The following KCNQ1 variants were observed in gnomAD, a reference collection of about 807,000 sequenced individuals.
The protein encoded by KCNQ1 is potassium voltage-gated channel subfamily KQT member 1.
KCNQ1 carries 49 observed loss-of-function variants against 72.4 expected under a neutral mutation model. The ratio of observed to expected loss-of-function variants is 0.68; its 90% CI spans 0.54 to 0.86. KCNQ1 has a LOEUF of 0.86. Among genes scored for constraint, KCNQ1 ranks in the 40% least tolerant of loss-of-function variants. The probability of loss-of-function intolerance (pLI) is 0.00; values close to 1 mark genes in which losing one functional copy is unlikely to be tolerated. For synonymous variants in KCNQ1, 450 were observed against 412.6 expected (o/e 1.09, Z -1.10); for missense variants, 790 against 945.1 (o/e 0.84, Z 2.15).
At chr11:2,648,069 T>A (rs1242715392) in intron 10 of KCNQ1, 8 of 376,596 alleles carry the variant, frequency 2.1e-5, no homozygotes, top group South Asian at 1.5e-4. Flanking sequence ...AAAAAAAAAA[T>A]TAGCGAGGTG....
At chr11:2,802,526 A>T (rs140210603) in intron 15 of KCNQ1, among the ~76,000 whole-genome samples, 64 of 152,196 alleles carry the variant, frequency 4.2e-4, no homozygotes, top group African/African-American at 1.5e-3. Context: ...CCCTCTCATA[A>T]AGTTCTGCTC....
rs759580706 is a variant in KCNQ1, at chr11:2,571,288, C to T, written c.605-37C>T. On this transcript the variant is annotated intron_variant, in intron 3 of 15. Transcript: ENST00000155840. ...CTCTTCCCTGGGGCCCTGGCTGTGG[C>T]GATCACGAAAAGCTCCCCCTCTCCT... 1.0e-5 allele frequency: 16 copies of T among 1,550,018 alleles called. No homozygotes were observed. The South Asian group carries it at 1.2e-4, about 12-fold the overall frequency.
At position 2,612,033 on chromosome 11, in the gene KCNQ1, T is replaced by C; in HGVS notation, c.1393+23179T>C. 1 of 398,662 alleles carries C rather than the reference T, an allele frequency of 2.5e-6. No individual in the cohort carries two copies. The highest frequency in any genetic ancestry group is 3.6e-5 in the East Asian group (1 of 28,078). The allele number at this position is 398,662 out of a possible 1,614,324, so 24.7% of individuals were successfully genotyped here. A position where few individuals can be genotyped will look rare whatever the true frequency, so the allele number is the denominator to read the frequency against. Reference sequence around the variant, plus strand: ...ACTCCTTAATTCCACATATGTTTTCTACTCTTAATTACATATATGTTACAA... The same window carrying C: ...ACTCCTTAATTCCACATATGTTTTCCACTCTTAATTACATATATGTTACAA... On this transcript the variant is annotated intron_variant, in intron 10 of 15. Coordinates refer to ENST00000155840, the MANE Select transcript of KCNQ1 (RefSeq NM_000218.3). The surrounding 1 kb of genome is among the most constrained non-coding windows in gnomAD (Gnocchi z 5.5).
chr11:2,550,564 AG>A lies in KCNQ1; in HGVS notation c.478-20061del, dbSNP rs1054523941. Among the ~76,000 whole-genome samples the A allele has an allele frequency of 7.2e-5, 11 of 152,208 alleles. No individual in the cohort carries two copies. The highest frequency in any genetic ancestry group is 1.0e-4 in the Non-Finnish European group (7 of 68,024). On this transcript the variant is annotated intron_variant, in intron 2 of 15. Transcript: ENST00000155840. This position sits in a 1 kb window ranked among gnomAD's most constrained non-coding sequence, Gnocchi z 6.0. The stretch of plus-strand genomic sequence containing the variant: ...CCTCGCCTAGGCCAGAGTGCCAGGC[AG>A]GGTAGGGGAACAAATGCCAACACGT...
rs1848812653 is a variant in KCNQ1 at position 2,601,825 on chromosome 11, G to C, written c.1393+12971G>C. Among the ~76,000 whole-genome samples, 2 of 152,168 alleles carry C rather than the reference G, an allele frequency of 1.3e-5. No individual in the cohort carries two copies. Among genetic ancestry groups the C allele is most frequent in the African/African-American group, 2.4e-5 (1 of 41,426 alleles). ...TTTATTTAACCATTCCCTCATCCAAGGACATGTGGGTCATTCCCAGTTTGG... is the reference window on the plus strand; with the variant it reads ...TTTATTTAACCATTCCCTCATCCAACGACATGTGGGTCATTCCCAGTTTGG... On this transcript the variant is annotated intron_variant, in intron 10 of 15. Coordinates refer to ENST00000155840, the MANE Select transcript of KCNQ1 (RefSeq NM_000218.3). This position sits in a 1 kb window ranked among gnomAD's most constrained non-coding sequence, Gnocchi z 5.2.
intron 2 of KCNQ1, among the ~76,000 whole-genome samples, chr11:2,560,875 G>A (rs1436294581): frequency 1.3e-5 from 2 of 152,080 alleles, no homozygotes; most frequent in Non-Finnish European, 2.9e-5. Flanking sequence ...CAGTGGATGG[G>A]GGAGGGCTTC....
At chr11:2,656,187 T>G (rs774153701) in intron 10 of KCNQ1, 23 of 398,430 alleles carry the variant, frequency 5.8e-5, no homozygotes, top group Non-Finnish European at 9.7e-5. Context: ...CTTTCTTCCT[T>G]CCTTTAAAAA....
At chr11:2,546,977 A>G (rs1847909895) in intron 2 of KCNQ1, among the ~76,000 whole-genome samples, 1 of 152,150 alleles carries the variant, frequency 6.6e-6, no homozygotes, top group Non-Finnish European at 1.5e-5. Flanking sequence ...CTTTCAAACC[A>G]TTTGTGTCTT....
intron 15 of KCNQ1, chr11:2,840,363 A>ATGAT (rs1292778256): frequency 1.3e-5 from 2 of 152,332 alleles, no homozygotes; most frequent in African/African-American, 4.8e-5. Flanking sequence ...TTCAGGGTCG[A>ATGAT]TGATACACAA....
intron 11 of KCNQ1, among the ~76,000 whole-genome samples, chr11:2,758,795 C>T (rs890671141): frequency 2.0e-5 from 3 of 152,144 alleles, no homozygotes; most frequent in Admixed American, 6.5e-5. Flanking sequence ...AAGCCTCCCC[C>T]GAAAGGTCGC....
In KCNQ1 at chr11:2,446,835, C is replaced by T. The variant is rs1017324436; in HGVS notation, c.386+1351C>T. ...GTCTGTGAGAGGAGCTGGCTCTGCT[C>T]GTGGCTGCAACAGCGGGGGCTCGGC... On this transcript the variant is annotated intron_variant, in intron 1 of 15. Transcript: ENST00000155840. The surrounding 1 kb of genome is among the most constrained non-coding windows in gnomAD (Gnocchi z 8.8). 7.9e-5 allele frequency among the ~76,000 whole-genome samples: 12 copies of T among 152,314 alleles called. No individual in the cohort carries two copies. The highest frequency in any genetic ancestry group is 4.1e-4 in the South Asian group (2 of 4,830).
intron 11 of KCNQ1, among the ~76,000 whole-genome samples, chr11:2,742,423 C>T (rs573375299): frequency 1.3e-5 from 2 of 152,374 alleles, no homozygotes; most frequent in East Asian, 3.9e-4. Flanking sequence ...GCCACTGCAC[C>T]CTGATACAGC....
In KCNQ1 at chr11:2,479,783, T is replaced by A. The variant is rs1472948843; in HGVS notation, c.386+34299T>A. Reference sequence around the variant, plus strand: ...TTGACTTTCTCCTCAGAAAATGGGTTTTTATTTTCTATCACATTTTCAGAC... The same window carrying A: ...TTGACTTTCTCCTCAGAAAATGGGTATTTATTTTCTATCACATTTTCAGAC... On this transcript the variant is annotated intron_variant, in intron 1 of 15. Transcript: ENST00000155840. The surrounding 1 kb of genome is among the most constrained non-coding windows in gnomAD (Gnocchi z 4.6). Among the ~76,000 whole-genome samples, 1 of 152,234 alleles carries A rather than the reference T, an allele frequency of 6.6e-6. No individual in the cohort carries two copies. The highest frequency in any genetic ancestry group is 1.5e-5 in the Non-Finnish European group (1 of 68,050).
At position 2,679,962 on chromosome 11, in the gene KCNQ1, C is replaced by T. The variant is rs761748923; in HGVS notation, c.1514+17881C>T. 43 of 397,146 alleles carry T rather than the reference C, an allele frequency of 1.1e-4. No individual in the cohort carries two copies. The highest frequency in any genetic ancestry group is 1.8e-4 in the East Asian group (5 of 28,040). The allele number at this position is 397,146 out of a possible 1,614,324, so 24.6% of individuals were successfully genotyped here. A position where few individuals can be genotyped will look rare whatever the true frequency, so the allele number is the denominator to read the frequency against. Reference sequence around the variant, plus strand: ...AGGCGGGAATGCAGTGGCACAGTCTCGGCTTACTGCAACCTCTACCTCCTG... The same window carrying T: ...AGGCGGGAATGCAGTGGCACAGTCTTGGCTTACTGCAACCTCTACCTCCTG... On this transcript the variant is annotated intron_variant, in intron 11 of 15. Coordinates refer to ENST00000155840, the MANE Select transcript of KCNQ1 (RefSeq NM_000218.3). The surrounding 1 kb of genome is among the most constrained non-coding windows in gnomAD (Gnocchi z 4.8).
At chr11:2,736,043 G>T (rs1446191156) in intron 11 of KCNQ1, among the ~76,000 whole-genome samples, 3 of 152,162 alleles carry the variant, frequency 2.0e-5, no homozygotes, top group Non-Finnish European at 1.5e-5. Context: ...TGGCCCTCCA[G>T]TATGTGTGTG....
rs1851003087 is a variant in KCNQ1 at position 2,711,401 on chromosome 11, G to A, written c.1514+49320G>A. On this transcript the variant is annotated intron_variant, in intron 11 of 15. Coordinates refer to ENST00000155840, the MANE Select transcript of KCNQ1 (RefSeq NM_000218.3). The surrounding 1 kb of genome is among the most constrained non-coding windows in gnomAD (Gnocchi z 5.4). ...TGTTGCCCAAGTCTTTGCACATCCT[G>A]CATCCTGCCTGGAGTGTTCTCTCTC... 6.6e-6 allele frequency among the ~76,000 whole-genome samples: 1 copy of A among 152,154 alleles called. No individual in the cohort carries two copies. Among genetic ancestry groups the A allele is most frequent in the South Asian group, 2.1e-4 (1 of 4,828 alleles).
chr11:2,469,066 G>A (rs1415711130), intron 1 of KCNQ1, among the ~76,000 whole-genome samples: 1 of 152,114 alleles, frequency 6.6e-6, no homozygotes, highest in Non-Finnish European at 1.5e-5. Context: ...CTGTCTCCTT[G>A]TCAACACTTG....
intron 15 of KCNQ1, among the ~76,000 whole-genome samples, chr11:2,841,913 G>A (rs1011758808): frequency 3.9e-5 from 6 of 152,192 alleles, no homozygotes; most frequent in East Asian, 1.9e-4. Context: ...CTCCTGGGGG[G>A]TGGTCAGTGA....
At chr11:2,453,088 C>A (rs1166465119) in intron 1 of KCNQ1, among the ~76,000 whole-genome samples, 1 of 152,200 alleles carries the variant, frequency 6.6e-6, no homozygotes, top group East Asian at 1.9e-4. Flanking sequence ...AAAGAAGCAA[C>A]CTTGGCTGGG....
Sources: allele counts gnomAD v4.1 joint callset (sites outside exome capture counted in the v4.1 genomes callset), GRCh38; gene constraint gnomAD v4.1.1; non-coding constraint Gnocchi (gnomAD v3.1); transcripts MANE v1.5; gene names NCBI Gene and HGNC (gene_info 2026-07-23, HGNC 2026-07-21).